The following KCNAB2 variants were observed in gnomAD, a reference collection of about 807,000 sequenced individuals.
KCNAB2 encodes voltage-gated potassium channel subunit beta-2.
A neutral mutation model predicts 63.6 loss-of-function variants in KCNAB2; 29 were observed. The ratio of observed to expected loss-of-function variants is 0.46; its 90% CI spans 0.34 to 0.62. The LOEUF (loss-of-function observed/expected upper bound fraction) is 0.62. Ranked by LOEUF, KCNAB2 falls within the 20% of genes least tolerant of loss-of-function variation. The pLI is 0.01. For missense variants in KCNAB2, 359 were observed against 563.9 expected (o/e 0.64, Z 3.68); for synonymous variants, 222 against 224.2 (o/e 0.99, Z 0.09).
At chr1:6,034,194 A>T (rs1213787297), upstream of KCNAB2, 2 of 152,312 alleles carry the variant, frequency 1.3e-5, no homozygotes, top group African/African-American at 4.8e-5. Flanking sequence ...TCCTTGGCAG[A>T]TGCAGTCGCT....
rs1480367757 is a variant in KCNAB2 at position 6,039,460 on chromosome 1, C to CAGCCCA, written c.-52-1054_-52-1049dup. Among the ~76,000 whole-genome samples the CAGCCCA allele has an allele frequency of 6.7e-4, 102 of 152,148 alleles. 1 individual carries two copies. The highest frequency in any genetic ancestry group is 1.5e-4 in the Non-Finnish European group (10 of 68,012). On this transcript the variant is annotated intron_variant, in intron 1 of 15. Coordinates refer to the KCNAB2 transcript ENST00000164247. ...GTTCAGGTGAAAGACAGCAGTGGCT[C>CAGCCCA]AGCCCAAGGGTGGCAGCCAGAGATG...
At chr1:6,091,090 ATTTG>A (rs1483462908) in intron 9 of KCNAB2, among the ~76,000 whole-genome samples, 169 bp from the exon 10 acceptor site, 1 of 151,824 alleles carries the variant, frequency 6.6e-6, no homozygotes, top group Admixed American at 6.5e-5. Context: ...ATTGTTTTTT[ATTTG>A]TTCATATACA....
Position 6,099,565 on chromosome 1 carries a change from C to T in KCNAB2, c.*991C>T. ...TGCACAAGGATGCACTCCTCTCGGC[C>T]CCTGTAGACTTTCTCTAAAGCCGCC... On this transcript the variant is annotated 3_prime_UTR_variant, in exon 16 of 16. Transcript: ENST00000378083. 2.0e-6 allele frequency: 1 copy of T among 506,720 alleles called. No homozygotes were observed. The highest frequency in any genetic ancestry group is 3.2e-5 in the East Asian group (1 of 30,810). The allele number at this position is 506,720 out of a possible 1,614,324, so 31.4% of individuals were successfully genotyped here.
In KCNAB2 at chr1:6,100,182, G is replaced by A; in HGVS notation, c.*1608G>A. On this transcript the variant is annotated 3_prime_UTR_variant, in exon 16 of 16. Transcript: ENST00000378083. ...TGGCCGGGCCAAGGCCTGGGAAACT[G>A]TGAAAGTCAGAAAGGCCAGCGGGGA... The A allele has an allele frequency of 8.2e-7, 1 of 1,226,388 alleles. No homozygotes were observed. The highest frequency in any genetic ancestry group is 1.1e-6 in the Non-Finnish European group (1 of 933,328). The allele number at this position is 1,226,388 out of a possible 1,614,324, so 76.0% of individuals were successfully genotyped here.
At chr1:6,004,030 C>A (rs1331859928) in intron 1 of KCNAB2, among the ~76,000 whole-genome samples, 2 of 152,138 alleles carry the variant, frequency 1.3e-5, no homozygotes, top group Non-Finnish European at 2.9e-5. Flanking sequence ...TTCTTACAGT[C>A]CCCCGGAGAG....
At chr1:6,023,659 G>C (rs1263708158) in intron 1 of KCNAB2, among the ~76,000 whole-genome samples, 1 of 152,172 alleles carries the variant, frequency 6.6e-6, no homozygotes, top group Non-Finnish European at 1.5e-5. Context: ...GTTTTCTGTT[G>C]AATTTTAGTT....
In KCNAB2 at chr1:6,069,548, G is replaced by A. The variant is rs183645720; in HGVS notation, c.219-3207G>A. 3.2e-4 allele frequency among the ~76,000 whole-genome samples: 48 copies of A among 152,304 alleles called. No individual in the cohort carries two copies. The East Asian group carries it at 8.5e-3, about 27-fold the overall frequency. ...TGAAGACCGACAGTATTTGGGTTTC[G>A]AGATGTTGACCACCTGCTTCATTAG... On this transcript the variant is annotated intron_variant, in intron 2 of 15. Transcript: ENST00000378083. The surrounding 1 kb of genome is among the most constrained non-coding windows in gnomAD (Gnocchi z 5.4).
Position 6,078,567 on chromosome 1 carries a change from G to A in KCNAB2, c.301-3628G>A, listed in dbSNP as rs1663900051. Among the ~76,000 whole-genome samples, 1 of 152,204 alleles carries A rather than the reference G, an allele frequency of 6.6e-6. No homozygotes were observed. Among genetic ancestry groups the A allele is most frequent in the African/African-American group, 2.4e-5 (1 of 41,448 alleles). ...AACCAAGGCACAGCCCTAAGGCCGA[G>A]TGTTGGGGAGAAGGGGATGCAGGGG... On this transcript the variant is annotated intron_variant, in intron 4 of 15. Coordinates refer to ENST00000378083, the MANE Select transcript of KCNAB2 (RefSeq NM_001199862.2). The surrounding 1 kb of genome is among the most constrained non-coding windows in gnomAD (Gnocchi z 4.2).
chr1:6,020,225 T>G lies in KCNAB2; in HGVS notation c.-52-20292T>G, dbSNP rs147117159. ...CAAAGCAAATTGATTCGGTCGTTGATCCTTATGTTGTAGAAATAGCTAGAA... is the reference window on the plus strand; with the variant it reads ...CAAAGCAAATTGATTCGGTCGTTGAGCCTTATGTTGTAGAAATAGCTAGAA... On this transcript the variant is annotated intron_variant, in intron 1 of 16. Transcript: ENST00000341524. Among the ~76,000 whole-genome samples, 326 of 152,286 alleles carry G rather than the reference T, an allele frequency of 2.1e-3. 3 individuals carry two copies. Among genetic ancestry groups the G allele is most frequent in the African/African-American group, 7.3e-3 (303 of 41,550 alleles).
chr1:6,095,294 G>T (rs1318709777), intron 11 of KCNAB2, 29 bp from the exon 12 acceptor site: 1 of 1,596,332 alleles, frequency 6.3e-7, no homozygotes. Context: ...ACAGGCAAGG[G>T]CCCTCGGGGT....
chr1:5,995,609 C>T (rs185533387), intron 1 of KCNAB2, among the ~76,000 whole-genome samples: 1 of 152,198 alleles, frequency 6.6e-6, no homozygotes, highest in African/African-American at 2.4e-5. Context: ...TGCAAGGGTA[C>T]TGTTGTTCGT....
Position 6,035,388 on chromosome 1 carries a change from G to A in KCNAB2, c.-53+594G>A, listed in dbSNP as rs971292966. 9.2e-5 allele frequency among the ~76,000 whole-genome samples: 14 copies of A among 152,174 alleles called. No homozygotes were observed. Among genetic ancestry groups the A allele is most frequent in the East Asian group, 1.9e-4 (1 of 5,198 alleles). On this transcript the variant is annotated intron_variant, in intron 1 of 15. Coordinates refer to the KCNAB2 transcript ENST00000164247. This position sits in a 1 kb window ranked among gnomAD's most constrained non-coding sequence, Gnocchi z 5.0. ...ATGTTCTGGGAGGATCACCCTGGCCGCGTAGAGTCTGCCGGCGGGGGTGGA... is the reference window on the plus strand; with the variant it reads ...ATGTTCTGGGAGGATCACCCTGGCCACGTAGAGTCTGCCGGCGGGGGTGGA...
At chr1:6,065,825 G>A (rs1303117792) in intron 2 of KCNAB2, among the ~76,000 whole-genome samples, 6 of 152,178 alleles carry the variant, frequency 3.9e-5, no homozygotes, top group South Asian at 2.1e-4. Context: ...CTCCAGCCGC[G>A]CTTCCAGCAG....
At position 5,994,368 on chromosome 1, in the gene KCNAB2, G is replaced by A. The variant is rs965596666; in HGVS notation, c.-53+1580G>A. Among the ~76,000 whole-genome samples the A allele has an allele frequency of 7.2e-5, 11 of 152,230 alleles. No homozygotes were observed. Among genetic ancestry groups the A allele is most frequent in the Non-Finnish European group, 1.6e-4 (11 of 68,044 alleles). On this transcript the variant is annotated intron_variant, in intron 1 of 16. Coordinates refer to the KCNAB2 transcript ENST00000341524. This position sits in a 1 kb window ranked among gnomAD's most constrained non-coding sequence, Gnocchi z 5.4. ...AGAGCCCTGTGCAGCTCCTGGCCCTGTGCTCTCGCAGTGTGGGGCCCTAAG... is the reference window on the plus strand; with the variant it reads ...AGAGCCCTGTGCAGCTCCTGGCCCTATGCTCTCGCAGTGTGGGGCCCTAAG...
chr1:6,095,300 G>A (rs372461208), intron 11 of KCNAB2, 23 bp from the exon 12 acceptor site: 22 of 1,603,888 alleles, frequency 1.4e-5, no homozygotes, highest in African/African-American at 1.2e-4. Flanking sequence ...AAGGGCCCTC[G>A]GGGTCCCTTT....
At chr1:6,083,131 T>G (rs890148371) in intron 5 of KCNAB2, among the ~76,000 whole-genome samples, 3 of 152,162 alleles carry the variant, frequency 2.0e-5, no homozygotes, top group Middle Eastern at 3.2e-3. Flanking sequence ...GCAGCCCTTT[T>G]GGCCCTCCGG....
chr1:6,090,327 G>C, intron 8 of KCNAB2, 62 bp from the exon 9 acceptor site: 1 of 1,218,128 alleles, frequency 8.2e-7, no homozygotes, highest in Non-Finnish European at 1.2e-6. Flanking sequence ...GCATGGATGG[G>C]CCCAGGTGCC....
intron 1 of KCNAB2, among the ~76,000 whole-genome samples, chr1:6,018,334 A>G (rs1372950402): frequency 6.6e-6 from 1 of 152,246 alleles, no homozygotes; most frequent in African/African-American, 2.4e-5. Flanking sequence ...TAGTAGCGTG[A>G]AAGCAGCCCC....
At chr1:6,091,154 G>A (rs1038709241) in intron 9 of KCNAB2, 109 bp from the exon 10 acceptor site, 14 of 769,378 alleles carry the variant, frequency 1.8e-5, no homozygotes, top group African/African-American at 1.2e-4. Context: ...AACTAAACGC[G>A]TGTTCTGCAC....
Sources: allele counts gnomAD v4.1 joint callset (sites outside exome capture counted in the v4.1 genomes callset), GRCh38; gene constraint gnomAD v4.1.1; non-coding constraint Gnocchi (gnomAD v3.1); transcripts MANE v1.5; gene names NCBI Gene and HGNC (gene_info 2026-07-23, HGNC 2026-07-21).